Variants in CD34 observed in about 807,000 individuals in gnomAD.
CD34 encodes the protein CD34 molecule, also known as hematopoietic progenitor cell antigen CD34.
CD34 carries 34 observed loss-of-function variants against 40.1 expected under a neutral mutation model. That is an observed-to-expected ratio of 0.85 (90% CI 0.65 to 1.13). CD34 has a LOEUF of 1.13. Ranked by LOEUF, CD34 falls within the 50% of genes most tolerant of loss-of-function variation. The pLI, the probability that CD34 is intolerant of heterozygous loss-of-function variation, is 0.00. For missense variants in CD34, 426 were observed against 466.9 expected, an observed-to-expected ratio of 0.91 and a Z score of 0.81; for synonymous variants, 209 against 190.0, an observed-to-expected ratio of 1.10 and a Z score of -0.82.
chr1:207,905,742 T>A (rs1662363622), intron 1 of CD34, among the ~76,000 whole-genome samples: 1 of 152,236 alleles, frequency 6.6e-6, no homozygotes, highest in African/African-American at 2.4e-5. Context: ...TGACCTCATG[T>A]GACAGGTCAC....
At chr1:207,898,678 C>T (rs1662202640) in intron 3 of CD34, among the ~76,000 whole-genome samples, 1 of 152,232 alleles carries the variant, frequency 6.6e-6, no homozygotes, top group South Asian at 2.1e-4. Context: ...CAAAGCCCCA[C>T]TGATAGGTAC....
chr1:207,910,125 AT>A lies in CD34; in HGVS notation c.79+876del, dbSNP rs895759042. ...GAGTATAAATATTTACCGGGTGCCT[AT>A]TTTTTTTTTAACCGAAGTGAGAGCA... On this transcript the variant is annotated intron_variant, in intron 1 of 7. Transcript: ENST00000310833. Among the ~76,000 whole-genome samples, 341 of 149,280 alleles carry A rather than the reference AT, an allele frequency of 2.3e-3. 2 individuals carry two copies. The highest frequency in any genetic ancestry group is 6.8e-3 in the African/African-American group (279 of 40,978).
intron 7 of CD34, chr1:207,888,142 A>G: frequency 6.2e-7 from 1 of 1,613,612 alleles, no homozygotes; most frequent in East Asian, 2.2e-5. Context: ...GACATAGGAG[A>G]GGCACCACAC....
At chr1:207,890,714 G>A (rs1235388683) in intron 4 of CD34, among the ~76,000 whole-genome samples, 1 of 152,194 alleles carries the variant, frequency 6.6e-6, no homozygotes, top group Non-Finnish European at 1.5e-5. Flanking sequence ...GATAAGGCCA[G>A]GAGAGTGTGG....
chr1:207,908,196 C>T (rs958820012), intron 1 of CD34, among the ~76,000 whole-genome samples: 4 of 152,142 alleles, frequency 2.6e-5, no homozygotes, highest in African/African-American at 7.2e-5. Flanking sequence ...ACAAAGATTG[C>T]GAAGGAAGGA....
rs113705855 is a variant in CD34 at position 207,910,854 on chromosome 1, C to CT, written c.79+147_79+148insA. On this transcript the variant is annotated intron_variant, in intron 1 of 7. Transcript: ENST00000310833. ...CAGCTCCCAGGTGAGGCGCTGGCCC[C>CT]GGGGGGAAGCAGCTGTGGGCGGCAG... is the stretch of plus-strand genomic sequence containing the variant. 7 of 772,566 alleles carry CT rather than the reference C, an allele frequency of 9.1e-6. No homozygotes were observed. In the Admixed American group the frequency reaches 1.3e-4, roughly 14 times the overall value. The allele number at this position is 772,566 out of a possible 1,614,324, so 47.9% of individuals were successfully genotyped here. A position where few individuals can be genotyped will look rare whatever the true frequency, so the allele number is the denominator to read the frequency against.
chr1:207,900,399 T>C (rs1332221347), intron 1 of CD34, among the ~76,000 whole-genome samples: 2 of 152,226 alleles, frequency 1.3e-5, no homozygotes, highest in Non-Finnish European at 2.9e-5. Flanking sequence ...GTTCATAGTA[T>C]GTTTAGTTAC....
chr1:207,895,187 A>T (rs1662124426), intron 4 of CD34, among the ~76,000 whole-genome samples: 1 of 152,220 alleles, frequency 6.6e-6, no homozygotes, highest in Non-Finnish European at 1.5e-5. Flanking sequence ...TTTGGAACAG[A>T]TTGTTTATCA....
intron 1 of CD34, among the ~76,000 whole-genome samples, chr1:207,902,277 C>T (rs1035894486): frequency 1.1e-4 from 17 of 152,294 alleles, no homozygotes; most frequent in South Asian, 2.1e-4. Flanking sequence ...GGAACACTGA[C>T]GTTTAGCTGA....
chr1:207,910,602 C>T (rs1662487860), intron 1 of CD34, among the ~76,000 whole-genome samples: 3 of 152,170 alleles, frequency 2.0e-5, no homozygotes, highest in Admixed American at 1.3e-4. Flanking sequence ...CGTGTCTATA[C>T]TTTCTGAATC....
At chr1:207,905,167 A>T (rs750577558) in intron 1 of CD34, among the ~76,000 whole-genome samples, 7 of 151,916 alleles carry the variant, frequency 4.6e-5, no homozygotes, top group Admixed American at 6.6e-5. Context: ...AGACAGTCTC[A>T]CTCTGTTGCC....
chr1:207,889,377 C>G lies in CD34; in HGVS notation c.754+88G>C, dbSNP rs1311431629. On this transcript the variant is annotated intron_variant, in intron 5 of 7. Coordinates refer to ENST00000310833, the MANE Select transcript of CD34 (RefSeq NM_001025109.2). ...CTTCTCCCCAGCACCTGTGGTCTCT[C>G]TGGATCTAAGATGCCCCATCTCCAC... is the stretch of plus-strand genomic sequence containing the variant. The G allele has an allele frequency of 2.6e-6, 4 of 1,536,330 alleles. No individual in the cohort carries two copies. The Admixed American group carries it at 7.8e-5, about 30-fold the overall frequency.
chr1:207,888,161 C>A lies in CD34; in HGVS notation c.973-238G>T, dbSNP rs528835634. 11 of 1,610,202 alleles carry A rather than the reference C, an allele frequency of 6.8e-6. No homozygotes were observed. In the Admixed American group the frequency reaches 1.8e-4, roughly 27 times the overall value. ...TAGGAGAGGCACCACACCATGCCAC[C>A]GCAGCTCGGCAGCCAGCTCCCGCAG... is the stretch of plus-strand genomic sequence containing the variant. On this transcript the variant is annotated intron_variant, in intron 7 of 7. Coordinates refer to ENST00000310833, the MANE Select transcript of CD34 (RefSeq NM_001025109.2).
intron 3 of CD34, 85 bp downstream of exon 3, chr1:207,898,887 AG>A: frequency 7.2e-7 from 1 of 1,381,852 alleles, no homozygotes; most frequent in South Asian, 1.3e-5. Context: ...GGCAGGGATG[AG>A]GAGAGGGGTG....
chr1:207,894,096 T>C (rs1662093086), intron 4 of CD34, among the ~76,000 whole-genome samples: 1 of 152,182 alleles, frequency 6.6e-6, no homozygotes, highest in East Asian at 1.9e-4. Flanking sequence ...GAGATATTTG[T>C]ACACTTATGT....
In CD34 at chr1:207,887,852, C is replaced by G. The variant is rs765433348; in HGVS notation, c.1044G>C (p.Glu348Asp). The stretch of plus-strand genomic sequence containing the variant: ...GGTTCACACTGGCCTTTCCCTGAGC[C>G]TCAGGGGAGGTCCCAGGTCCTGAGC... ...GYSSGPGTSP[E>D]AQGKASVNRG... is the part of the protein sequence containing the mutation. Residue 348 changes from glutamate to aspartate, a missense_variant, in exon 8 of 8, where the codon GAG becomes GAC. By Grantham distance (45) the Glu-to-Asp change is conservative. Transcript: ENST00000310833. 2 of 1,614,224 alleles carry G rather than the reference C, an allele frequency of 1.2e-6. No individual in the cohort carries two copies. The highest frequency in any genetic ancestry group is 1.1e-5 in the South Asian group (1 of 91,088).
In CD34 at chr1:207,881,455, C is replaced by G. The variant is rs377424885; in HGVS notation, c.*6283G>C. ...TGGGTGGATCATGAGGTCAGGAGAT[C>G]GAGACCAGCCTGGCTAACACGGTGA... On this transcript the variant is annotated 3_prime_UTR_variant, in exon 8 of 8. Transcript: ENST00000310833. 1 of 152,022 alleles carries G rather than the reference C, an allele frequency of 6.6e-6. No individual in the cohort carries two copies. The highest frequency in any genetic ancestry group is 1.9e-4 in the East Asian group (1 of 5,204). 9.4% of individuals were successfully genotyped at this position (152,022 alleles called of 1,614,324 possible).
intron 5 of CD34, 68 bp downstream of exon 5, chr1:207,889,397 C>A: frequency 6.5e-7 from 1 of 1,548,698 alleles, no homozygotes; most frequent in Non-Finnish European, 8.7e-7. Flanking sequence ...GATGCCCCAT[C>A]TCCACCCAGG....
intron 1 of CD34, among the ~76,000 whole-genome samples, chr1:207,910,283 G>T (rs1293466846): frequency 1.3e-5 from 2 of 152,170 alleles, no homozygotes; most frequent in African/African-American, 2.4e-5. Flanking sequence ...TTGTGCAGGG[G>T]TGACGGTTTT....
Sources: gnomAD v4.1 joint callset for allele counts (sites outside exome capture counted in the v4.1 genomes callset) on GRCh38, gnomAD v4.1.1 for gene constraint, MANE v1.5 for transcripts, NCBI Gene and HGNC (gene_info 2026-07-23, HGNC 2026-07-21) for gene names.